Variants in NRG3 observed in about 807,000 individuals in gnomAD.
NRG3 encodes neuregulin 3.
A neutral mutation model predicts 66.9 loss-of-function variants in NRG3; 31 were observed. The observed-to-expected ratio is 0.46, with a 90% confidence interval of 0.35 to 0.63. The LOEUF (loss-of-function observed/expected upper bound fraction) is 0.63, where lower values mean the gene tolerates loss of function less well. NRG3 is among the 20% of genes least tolerant of loss of function. NRG3 has a pLI of 0.00. For missense variants in NRG3, 910 were observed against 878.9 expected, an observed-to-expected ratio of 1.04 and a Z score of -0.45; for synonymous variants, 393 against 359.4, an observed-to-expected ratio of 1.09 and a Z score of -1.06.
chr10:82,284,562 G>A (rs899918112), intron 1 of NRG3, among the ~76,000 whole-genome samples: 1 of 152,030 alleles, frequency 6.6e-6, no homozygotes, highest in Non-Finnish European at 1.5e-5. Context: ...CATTTGGAAA[G>A]GTCAACTTTT....
chr10:82,706,056 C>T (rs945151135), intron 2 of NRG3, among the ~76,000 whole-genome samples: 3 of 152,118 alleles, frequency 2.0e-5, no homozygotes, highest in Admixed American at 2.0e-4. Context: ...CCAACCTGGC[C>T]TTTAAGCTTT....
chr10:82,458,494 A>AAAAAG (rs1428653767), intron 2 of NRG3, among the ~76,000 whole-genome samples: 2 of 152,162 alleles, frequency 1.3e-5, no homozygotes, highest in Non-Finnish European at 2.9e-5. Context: ...AGACACTGAC[A>AAAAAG]AAAAGAAAAG....
At chr10:82,638,501 G>A (rs941818821) in intron 2 of NRG3, among the ~76,000 whole-genome samples, 2 of 152,098 alleles carry the variant, frequency 1.3e-5, no homozygotes, top group African/African-American at 4.8e-5. Flanking sequence ...TGACCTGGAG[G>A]CCGAAATGAA....
intron 2 of NRG3, among the ~76,000 whole-genome samples, chr10:82,444,394 C>T (rs1230701020): frequency 6.6e-6 from 1 of 152,074 alleles, no homozygotes; most frequent in Non-Finnish European, 1.5e-5. Flanking sequence ...CAAGCAACCA[C>T]CCCCAGCCCA....
At chr10:81,976,893 G>C (rs185896281) in intron 1 of NRG3, among the ~76,000 whole-genome samples, 50 of 152,264 alleles carry the variant, frequency 3.3e-4, no homozygotes, top group African/African-American at 9.6e-4. Flanking sequence ...TGATAAACTT[G>C]TATACAAACA....
At chr10:82,185,040 C>T (rs991130232) in intron 1 of NRG3, among the ~76,000 whole-genome samples, 4 of 152,032 alleles carry the variant, frequency 2.6e-5, no homozygotes, top group African/African-American at 7.2e-5. Context: ...TACCTATGAC[C>T]GTTTGGGAGA....
intron 1 of NRG3, among the ~76,000 whole-genome samples, chr10:82,083,130 T>C (rs1017862665): frequency 5.9e-5 from 9 of 151,980 alleles, no homozygotes; most frequent in African/African-American, 1.9e-4. Context: ...TAAATACCAC[T>C]CACACACATG....
At chr10:82,336,658 G>T (rs1320134922) in intron 1 of NRG3, among the ~76,000 whole-genome samples, 1 of 151,878 alleles carries the variant, frequency 6.6e-6, no homozygotes, top group Non-Finnish European at 1.5e-5. Context: ...AAGTAGCTGG[G>T]ATTACAGGTG....
intron 1 of NRG3, among the ~76,000 whole-genome samples, chr10:82,124,727 TA>T (rs35137297): frequency 0.072 from 8,512 of 118,806 alleles, 558 homozygotes; most frequent in African/African-American, 0.2. Context: ...GAACTTAAAG[TA>T]AAAAAAAAAA....
intron 2 of NRG3, among the ~76,000 whole-genome samples, chr10:82,498,664 A>G (rs2132318966): frequency 6.6e-6 from 1 of 152,186 alleles, no homozygotes; most frequent in East Asian, 1.9e-4. Context: ...GAGAAAATAC[A>G]CTCTGATGGA....
At chr10:82,580,107 A>C (rs2046268167) in intron 2 of NRG3, among the ~76,000 whole-genome samples, 1 of 151,972 alleles carries the variant, frequency 6.6e-6, no homozygotes, top group Non-Finnish European at 1.5e-5. Context: ...TATAAATGCT[A>C]GCTGAATAGT....
intron 1 of NRG3, among the ~76,000 whole-genome samples, chr10:82,314,601 G>T (rs2081198259): frequency 6.6e-6 from 1 of 152,130 alleles, no homozygotes; most frequent in South Asian, 2.1e-4. Flanking sequence ...GAGGTCAGGA[G>T]ATCGAGACCA....
intron 1 of NRG3, among the ~76,000 whole-genome samples, chr10:82,211,602 T>A (rs890687070): frequency 1.4e-4 from 22 of 152,250 alleles, no homozygotes; most frequent in Admixed American, 1.4e-3. Flanking sequence ...TTTCCAAAAA[T>A]TCACTTTCTG....
At chr10:82,118,668 C>A (rs2067880617) in intron 1 of NRG3, among the ~76,000 whole-genome samples, 1 of 151,942 alleles carries the variant, frequency 6.6e-6, no homozygotes, top group African/African-American at 2.4e-5. Context: ...CTTTCTGTCT[C>A]TTTTTTGCTT....
Position 82,368,219 on chromosome 10 carries a change from C to T in NRG3, c.953+9351C>T, listed in dbSNP as rs1055084003. Among the ~76,000 whole-genome samples, 11 of 137,466 alleles carry T rather than the reference C, an allele frequency of 8.0e-5. 1 individual carries two copies. The highest frequency in any genetic ancestry group is 3.4e-4 in the Admixed American group (5 of 14,628). 90.2% of individuals were successfully genotyped at this position (137,466 alleles called of 152,430 possible). On this transcript the variant is annotated intron_variant, in intron 2 of 8. Coordinates refer to ENST00000372141, the MANE Select transcript of NRG3 (RefSeq NM_001010848.4). ...GTTACAGGTATTGTTACTTTATCTGCACAGCTTTGTTGACAGGTCAGTGTA... is the reference window on the plus strand; with the variant it reads ...GTTACAGGTATTGTTACTTTATCTGTACAGCTTTGTTGACAGGTCAGTGTA...
intron 2 of NRG3, among the ~76,000 whole-genome samples, chr10:82,519,506 T>C (rs1845997027): frequency 6.6e-6 from 1 of 152,176 alleles, no homozygotes; most frequent in African/African-American, 2.4e-5. Flanking sequence ...ATTTAAACCA[T>C]GACTTTCTTT....
intron 2 of NRG3, among the ~76,000 whole-genome samples, chr10:82,536,774 C>T (rs1847852727): frequency 6.6e-6 from 1 of 151,998 alleles, no homozygotes; most frequent in Admixed American, 6.6e-5. Context: ...GCTGATTAAT[C>T]AGAGGATGAC....
At chr10:82,281,688 C>A (rs1358790307) in intron 1 of NRG3, among the ~76,000 whole-genome samples, 1 of 152,060 alleles carries the variant, frequency 6.6e-6, no homozygotes, top group Non-Finnish European at 1.5e-5. Flanking sequence ...CTAGATGGAG[C>A]CAGAGGTGCT....
intron 1 of NRG3, among the ~76,000 whole-genome samples, chr10:82,092,518 C>T (rs1229409886): frequency 6.6e-6 from 1 of 151,104 alleles, no homozygotes; most frequent in African/African-American, 2.4e-5. Flanking sequence ...CATGTAATTT[C>T]ATTCATGTGC....
Sources: allele counts gnomAD v4.1 joint callset (sites outside exome capture counted in the v4.1 genomes callset), GRCh38; gene constraint gnomAD v4.1.1; transcripts MANE v1.5; gene names NCBI Gene and HGNC (gene_info 2026-07-23, HGNC 2026-07-21).